The following ARHGAP42 variants were observed in gnomAD, a reference collection of about 807,000 sequenced individuals.
The protein encoded by ARHGAP42 is rho GTPase-activating protein 42.
In ARHGAP42, 63 loss-of-function variants were observed where a neutral mutation model predicts 125.0. The ratio of observed to expected loss-of-function variants is 0.50; its 90% CI spans 0.41 to 0.62. ARHGAP42 has a LOEUF of 0.62. Among genes scored for constraint, ARHGAP42 ranks in the 20% least tolerant of loss-of-function variants. The pLI is 0.00. For synonymous variants in ARHGAP42, 339 were observed against 351.0 expected (o/e 0.97, Z 0.38); for missense variants, 766 against 1,024.2 (o/e 0.75, Z 3.44).
At chr11:100,846,850 C>G (rs1215462890) in intron 3 of ARHGAP42, among the ~76,000 whole-genome samples, 3 of 152,044 alleles carry the variant, frequency 2.0e-5, no homozygotes, top group Non-Finnish European at 2.9e-5. Flanking sequence ...AGATAGGGAA[C>G]AAGTGGAACA....
intron 1 of ARHGAP42, among the ~76,000 whole-genome samples, chr11:100,708,828 G>A (rs1369777069): frequency 6.6e-6 from 1 of 152,050 alleles, no homozygotes. Context: ...AACCCTATGT[G>A]TACTGTTTTT....
At chr11:100,760,751 T>C (rs1169867021) in intron 1 of ARHGAP42, among the ~76,000 whole-genome samples, 2 of 151,606 alleles carry the variant, frequency 1.3e-5, no homozygotes, top group African/African-American at 4.9e-5. Flanking sequence ...ACCACAAATG[T>C]ATATGACACC....
In ARHGAP42 at chr11:100,811,942, T is replaced by G. The variant is rs1864154299; in HGVS notation, c.312+16776T>G. 3.3e-5 allele frequency among the ~76,000 whole-genome samples: 5 copies of G among 152,224 alleles called. No individual in the cohort carries two copies. In the South Asian group the frequency reaches 1.0e-3, roughly 32 times the overall value. On this transcript the variant is annotated intron_variant, in intron 3 of 23. Transcript: ENST00000298815. ...ACTGATTTCTTTTCAATTTCTTTTT[T>G]AAAACAATTTTTTAATGTTATATTT... is the stretch of plus-strand genomic sequence containing the variant.
At chr11:100,759,371 T>A (rs976598873) in intron 1 of ARHGAP42, among the ~76,000 whole-genome samples, 5 of 152,124 alleles carry the variant, frequency 3.3e-5, no homozygotes, top group African/African-American at 1.2e-4. Flanking sequence ...GCTTCTTATC[T>A]CTAATTGCTC....
intron 1 of ARHGAP42, among the ~76,000 whole-genome samples, chr11:100,735,753 C>A (rs975034966): frequency 1.3e-5 from 2 of 151,600 alleles, no homozygotes; most frequent in South Asian, 4.2e-4. Context: ...GGATTACAGG[C>A]GCCCGCCACC....
intron 4 of ARHGAP42, among the ~76,000 whole-genome samples, chr11:100,910,031 T>C (rs1046023532): frequency 6.6e-6 from 1 of 152,200 alleles, no homozygotes; most frequent in South Asian, 2.1e-4. Context: ...ATGGTTATTG[T>C]TGGTAAGTAA....
intron 4 of ARHGAP42, among the ~76,000 whole-genome samples, chr11:100,909,123 T>C (rs78022050): frequency 0.052 from 7,983 of 152,288 alleles, 380 homozygotes; most frequent in East Asian, 0.25. Flanking sequence ...TTGTAGGTTA[T>C]GGATATTAGC....
chr11:100,715,938 C>T (rs889499084), intron 1 of ARHGAP42, among the ~76,000 whole-genome samples: 6 of 152,108 alleles, frequency 3.9e-5, no homozygotes, highest in Admixed American at 2.0e-4. Context: ...CTGCAGTCAG[C>T]GTGTCTTCGA....
chr11:100,717,688 G>C (rs1422546572), intron 1 of ARHGAP42, among the ~76,000 whole-genome samples: 1 of 150,518 alleles, frequency 6.6e-6, no homozygotes, highest in East Asian at 2.0e-4. Flanking sequence ...CACTTTGGGA[G>C]GCTGAGGTTG....
chr11:100,961,583 C>A, intron 14 of ARHGAP42, 101 bp from the exon 15 acceptor site: 2 of 938,546 alleles, frequency 2.1e-6, no homozygotes, highest in Non-Finnish European at 1.6e-6. Flanking sequence ...GAAATGAATA[C>A]CTCTCTCTTT....
At chr11:100,785,184 TG>T (rs1449847968) in intron 2 of ARHGAP42, among the ~76,000 whole-genome samples, 1 of 151,838 alleles carries the variant, frequency 6.6e-6, no homozygotes, top group African/African-American at 2.4e-5. Flanking sequence ...AGGCTTACTG[TG>T]GAGTTGTTAG....
intron 1 of ARHGAP42, among the ~76,000 whole-genome samples, chr11:100,751,799 T>TTTTTG (rs1862466054): frequency 7.4e-6 from 1 of 134,374 alleles, no homozygotes; most frequent in African/African-American, 2.9e-5. Context: ...TTTTTTTTTT[T>TTTTTG]GACGGAATCT....
chr11:100,753,040 G>T (rs1862495294), intron 1 of ARHGAP42, among the ~76,000 whole-genome samples: 1 of 152,204 alleles, frequency 6.6e-6, no homozygotes, highest in Admixed American at 6.5e-5. Context: ...AGGGCTCCCA[G>T]AAGTTCTGTC....
intron 1 of ARHGAP42, among the ~76,000 whole-genome samples, chr11:100,717,690 C>G (rs1042517157): frequency 2.0e-5 from 3 of 147,358 alleles, no homozygotes; most frequent in Admixed American, 6.8e-5. Flanking sequence ...CTTTGGGAGG[C>G]TGAGGTTGGC....
At chr11:100,879,812 C>T (rs1194863923) in intron 4 of ARHGAP42, among the ~76,000 whole-genome samples, 1 of 152,138 alleles carries the variant, frequency 6.6e-6, no homozygotes, top group Non-Finnish European at 1.5e-5. Flanking sequence ...TCTTCTCTGT[C>T]TTCATTATGG....
chr11:100,832,593 T>C (rs922998219), intron 3 of ARHGAP42, among the ~76,000 whole-genome samples: 3 of 152,326 alleles, frequency 2.0e-5, no homozygotes, highest in African/African-American at 4.8e-5. Context: ...CTTTTTTGAC[T>C]GGAAAGCTCA....
intron 17 of ARHGAP42, among the ~76,000 whole-genome samples, chr11:100,969,129 A>G (rs1318684422): frequency 6.6e-6 from 1 of 152,140 alleles, no homozygotes; most frequent in African/African-American, 2.4e-5. Flanking sequence ...TTTGCTGGAT[A>G]GAAGATTCTT....
At chr11:100,921,202 A>ATAT (rs1867235544) in intron 5 of ARHGAP42, among the ~76,000 whole-genome samples, 3 of 39,272 alleles carry the variant, frequency 7.6e-5, no homozygotes, top group African/African-American at 3.2e-4. Context: ...CCCCTCTTGT[A>ATAT]ATATATATAT....
At chr11:100,742,360 A>G (rs1862207733) in intron 1 of ARHGAP42, among the ~76,000 whole-genome samples, 1 of 145,074 alleles carries the variant, frequency 6.9e-6, no homozygotes, top group African/African-American at 2.6e-5. Context: ...TCAGTGACTA[A>G]TTGATTTTCC....
Sources: allele counts gnomAD v4.1 joint callset (sites outside exome capture counted in the v4.1 genomes callset), GRCh38; gene constraint gnomAD v4.1.1; transcripts MANE v1.5; gene names NCBI Gene and HGNC (gene_info 2026-07-23, HGNC 2026-07-21).